The following GRB2 variants were observed in gnomAD, a reference collection of about 807,000 sequenced individuals.
GRB2 encodes growth factor receptor bound protein 2.
A neutral mutation model predicts 27.4 loss-of-function variants in GRB2; 2 were observed. The observed-to-expected ratio is 0.07, with a 90% CI of 0.03 to 0.23. The LOEUF is 0.23. Ranked by LOEUF, GRB2 falls within the 10% of genes least tolerant of loss-of-function variation. The probability of loss-of-function intolerance (pLI) is 1.00; values close to 1 mark genes in which losing one functional copy is unlikely to be tolerated. For missense variants in GRB2, 102 were observed against 282.4 expected, an observed-to-expected ratio of 0.36 and a Z score of 4.58; for synonymous variants, 94 against 99.6, an observed-to-expected ratio of 0.94 and a Z score of 0.33.
chr17:75,403,187 C>T (rs1056197739), intron 1 of GRB2, among the ~76,000 whole-genome samples: 2 of 141,594 alleles, frequency 1.4e-5, no homozygotes, highest in Non-Finnish European at 3.0e-5. Flanking sequence ...TATATATATA[C>T]AGACTCTCAA....
rs887771308 is a variant in GRB2 at position 75,393,551 on chromosome 17, C to T, written c.78G>A (p.Lys26=). 1.9e-6 allele frequency: 3 copies of T among 1,613,290 alleles called. No individual in the cohort carries two copies. Among genetic ancestry groups the T allele is most frequent in the Non-Finnish European group, 2.5e-6 (3 of 1,179,290 alleles). ...CATTGTGCTCGGCATCAGCACTTAC[C>T]TTGAGGATGTCCCCCCTTTTGAAGC... ...ELSFKRGDIL[K]VLNEECDQNW... The change falls in exon 2 of 6, where the codon AAG becomes AAA. Residue 26 remains lysine (K), a splice_region_variant and synonymous_variant. Coordinates refer to ENST00000316804, the MANE Select transcript of GRB2 (RefSeq NM_002086.5).
chr17:75,336,006 C>A (rs756423012), intron 2 of GRB2, among the ~76,000 whole-genome samples: 5 of 152,178 alleles, frequency 3.3e-5, no homozygotes, highest in Non-Finnish European at 7.3e-5. Flanking sequence ...TTGAACCCTG[C>A]CGGGCCACCA....
chr17:75,386,990 T>A (rs1468085015), intron 2 of GRB2, among the ~76,000 whole-genome samples: 3 of 32,652 alleles, frequency 9.2e-5, no homozygotes, highest in Non-Finnish European at 7.1e-4. Flanking sequence ...CCTGGCTAAC[T>A]AAAAACACAC....
At chr17:75,374,989 G>C (rs1411471571) in intron 2 of GRB2, among the ~76,000 whole-genome samples, 3 of 152,084 alleles carry the variant, frequency 2.0e-5, no homozygotes, top group Non-Finnish European at 4.4e-5. Flanking sequence ...TCAAACTCCT[G>C]AACTCAAGTC....
intron 4 of GRB2, among the ~76,000 whole-genome samples, chr17:75,322,713 G>A (rs776437827): frequency 6.6e-5 from 10 of 152,000 alleles, no homozygotes; most frequent in South Asian, 4.2e-4. Flanking sequence ...AAGCAAAACC[G>A]GCAACAGCGT....
At position 75,321,647 on chromosome 17, in the gene GRB2, G is replaced by C; in HGVS notation, c.468+12C>G. On this transcript the variant is annotated intron_variant, in intron 5 of 5. Coordinates refer to ENST00000316804, the MANE Select transcript of GRB2 (RefSeq NM_002086.5). The stretch of plus-strand genomic sequence containing the variant: ...ACTAAAAATGATCCCATCTCACCCT[G>C]ATGAGGCTTACCTGTGGCACCTGTT... 1 of 1,613,268 alleles carries C rather than the reference G, an allele frequency of 6.2e-7. No individual in the cohort carries two copies. The highest frequency in any genetic ancestry group is 8.5e-7 in the Non-Finnish European group (1 of 1,179,362).
intron 2 of GRB2, among the ~76,000 whole-genome samples, chr17:75,358,801 C>G (rs1034408055): frequency 7.3e-6 from 1 of 137,700 alleles, no homozygotes; most frequent in African/African-American, 2.7e-5. Flanking sequence ...TGAGAATCAC[C>G]TGAACCCAGG....
intron 2 of GRB2, among the ~76,000 whole-genome samples, chr17:75,386,124 CTT>C (rs904513461): frequency 6.9e-6 from 1 of 145,650 alleles, no homozygotes. Context: ...AGAATAAATT[CTT>C]TTTTTTTTTG....
At chr17:75,354,366 G>A (rs567345562) in intron 2 of GRB2, among the ~76,000 whole-genome samples, 59 of 151,474 alleles carry the variant, frequency 3.9e-4, no homozygotes, top group Middle Eastern at 3.4e-3. Flanking sequence ...ATGTTCAAGC[G>A]ATTCTCCTGC....
intron 2 of GRB2, among the ~76,000 whole-genome samples, chr17:75,393,068 G>A (rs2079008601): frequency 1.3e-5 from 2 of 152,130 alleles, no homozygotes; most frequent in Admixed American, 1.3e-4. Context: ...GTTTTGGTAT[G>A]TACTTCTAAC....
chr17:75,385,076 C>CAAAAA (rs1555612754), intron 2 of GRB2, among the ~76,000 whole-genome samples: 48 of 77,204 alleles, frequency 6.2e-4, no homozygotes, highest in East Asian at 3.2e-3. Flanking sequence ...AACAAACAAA[C>CAAAAA]AAAAAAACCC....
intron 2 of GRB2, among the ~76,000 whole-genome samples, chr17:75,360,751 G>T (rs2078774830): frequency 6.6e-6 from 1 of 152,128 alleles, no homozygotes; most frequent in South Asian, 2.1e-4. Flanking sequence ...TATAAAATAA[G>T]AGTCCTATGA....
At chr17:75,399,030 G>A (rs889120674) in intron 1 of GRB2, among the ~76,000 whole-genome samples, 2 of 152,070 alleles carry the variant, frequency 1.3e-5, no homozygotes, top group Non-Finnish European at 2.9e-5. Flanking sequence ...TTACAGGCGT[G>A]AGCCACTGCG....
intron 1 of GRB2, among the ~76,000 whole-genome samples, chr17:75,398,119 A>G (rs896592024): frequency 1.3e-5 from 2 of 151,578 alleles, no homozygotes; most frequent in African/African-American, 4.8e-5. Context: ...CACTGCACCC[A>G]GCCTTCAAAA....
chr17:75,358,308 A>G (rs2078747536), intron 2 of GRB2, among the ~76,000 whole-genome samples: 1 of 152,206 alleles, frequency 6.6e-6, no homozygotes, highest in Non-Finnish European at 1.5e-5. Flanking sequence ...AAAAGAATTC[A>G]AATATTTAAC....
intron 4 of GRB2, among the ~76,000 whole-genome samples, chr17:75,324,721 T>A (rs1307299149): frequency 6.6e-6 from 1 of 151,936 alleles, no homozygotes; most frequent in Non-Finnish European, 1.5e-5. Context: ...TTCACCATGT[T>A]GGCCAGGCTG....
chr17:75,368,052 T>C (rs983642077), intron 2 of GRB2, among the ~76,000 whole-genome samples: 1 of 151,998 alleles, frequency 6.6e-6, no homozygotes, highest in African/African-American at 2.4e-5. Flanking sequence ...GCAGCTGGGA[T>C]TACAGGCACT....
Position 75,368,215 on chromosome 17 carries a change from G to GTT in GRB2, c.78+25334_78+25335dup, listed in dbSNP as rs35158011. 5.8e-3 allele frequency among the ~76,000 whole-genome samples: 769 copies of GTT among 131,578 alleles called. 19 individuals carry two copies. Among genetic ancestry groups the GTT allele is most frequent in the East Asian group, 0.037 (166 of 4,480 alleles). 86.3% of individuals were successfully genotyped at this position (131,578 alleles called of 152,430 possible). On this transcript the variant is annotated intron_variant, in intron 2 of 5. Coordinates refer to ENST00000316804, the MANE Select transcript of GRB2 (RefSeq NM_002086.5). Reference sequence around the variant, plus strand: ...AAGATAAGAGGCACTGTGCTCAGCTGTTTTTTTTTTTTTTTTGAGACAGAG... The same window carrying GTT: ...AAGATAAGAGGCACTGTGCTCAGCTGTTTTTTTTTTTTTTTTTTGAGACAGAG...
chr17:75,397,411 CTG>C (rs2079035355), intron 1 of GRB2, among the ~76,000 whole-genome samples: 1 of 152,318 alleles, frequency 6.6e-6, no homozygotes, highest in African/African-American at 2.4e-5. Context: ...AACCTCGAAA[CTG>C]TTACCAGCCC....
Sources: allele counts gnomAD v4.1 joint callset (sites outside exome capture counted in the v4.1 genomes callset), GRCh38; gene constraint gnomAD v4.1.1; transcripts MANE v1.5; gene names NCBI Gene and HGNC (gene_info 2026-07-23, HGNC 2026-07-21).